The following ZNF473 variants were observed in gnomAD, a reference collection of about 807,000 sequenced individuals.
The protein encoded by ZNF473 is zinc finger protein 100 homolog.
ZNF473 carries 4 observed loss-of-function variants against 11.1 expected under a neutral mutation model. The ratio of observed to expected loss-of-function variants is 0.36; its 90% CI spans 0.18 to 0.82. ZNF473 has a LOEUF of 0.82. Among genes scored for constraint, ZNF473 ranks in the 40% least tolerant of loss-of-function variants. The probability of loss-of-function intolerance (pLI) is 0.49; values close to 1 mark genes in which losing one functional copy is unlikely to be tolerated. For synonymous variants in ZNF473, 404 were observed against 390.4 expected (o/e 1.03, Z -0.41); for missense variants, 854 against 1,084.0 (o/e 0.79, Z 2.98).
intron 2 of ZNF473, among the ~76,000 whole-genome samples, chr19:50,036,933 T>C (rs1229206416): frequency 1.3e-5 from 2 of 152,336 alleles, no homozygotes; most frequent in African/African-American, 4.8e-5. Context: ...ACTAATACAC[T>C]GTGTAACTTG....
chr19:50,033,038 A>G (rs1274752854), intron 2 of ZNF473, among the ~76,000 whole-genome samples: 1 of 152,168 alleles, frequency 6.6e-6, no homozygotes, highest in Admixed American at 6.6e-5. Context: ...AATAAGGGCA[A>G]ATTCTGAGGT....
intron 2 of ZNF473, among the ~76,000 whole-genome samples, chr19:50,036,648 T>G (rs763576360): frequency 9.9e-5 from 15 of 152,018 alleles, no homozygotes; most frequent in Non-Finnish European, 1.5e-4. Context: ...AAGAGATGAT[T>G]AGGTCATGAA....
intron 2 of ZNF473, among the ~76,000 whole-genome samples, chr19:50,037,872 T>A (rs1978542109): frequency 6.6e-6 from 1 of 151,922 alleles, no homozygotes; most frequent in South Asian, 2.1e-4. Context: ...ATTACCAGAT[T>A]TATAAATTAC....
chr19:50,035,968 T>C (rs940283186), intron 2 of ZNF473, among the ~76,000 whole-genome samples: 2 of 146,096 alleles, frequency 1.4e-5, no homozygotes, highest in Non-Finnish European at 3.0e-5. Context: ...CCTTTGAAAC[T>C]CTTTTTTTTT....
chr19:50,046,725 A>G lies in ZNF473; in HGVS notation c.2282A>G (p.Gln761Arg). 3 of 1,614,218 alleles carry G rather than the reference A, an allele frequency of 1.9e-6. No homozygotes were observed. Among genetic ancestry groups the G allele is most frequent in the Non-Finnish European group, 2.5e-6 (3 of 1,180,008 alleles). The change falls in exon 5 of 5, where the codon CAG becomes CGG. Residue 761 changes from glutamine (Q) to arginine (R), a missense_variant. Gln to Arg is a conservative substitution (Grantham distance 43). This residue lies in a region of ZNF473 where 186 missense variants were observed against 293.8 expected (regional missense o/e 0.63). Coordinates refer to ENST00000270617, the MANE Select transcript of ZNF473 (RefSeq NM_015428.4). The surrounding 1 kb of genome is among the most constrained non-coding windows in gnomAD (Gnocchi z 5.9). ...IHTGEKPYVC[Q>R]ECGKAFTQSS... ...ACTGGAGAAAAGCCTTATGTTTGTC[A>G]GGAATGCGGGAAAGCCTTCACCCAG... is the stretch of plus-strand genomic sequence containing the variant.
In ZNF473 at chr19:50,046,165, C is replaced by G; in HGVS notation, c.1722C>G (p.Ser574Arg). ...AATGTGAGAAAACCTTTAGCTGCAG[C>G]AAATACCTAACTCAGCACGAGAGGA... Reference protein sequence around the residue: ...CNKCEKTFSCSKYLTQHERIH... With the variant: ...CNKCEKTFSCRKYLTQHERIH... Residue 574 changes from serine (S) to arginine (R), a missense_variant, in exon 5 of 5, where the codon AGC (serine) becomes AGG (arginine). This residue lies in a region of ZNF473 where 668 missense variants were observed against 790.2 expected (regional missense o/e 0.85). Coordinates refer to ENST00000270617, the MANE Select transcript of ZNF473 (RefSeq NM_015428.4). This position sits in a 1 kb window ranked among gnomAD's most constrained non-coding sequence, Gnocchi z 5.9. 6.2e-7 allele frequency: 1 copy of G among 1,614,138 alleles called. No individual in the cohort carries two copies. Among genetic ancestry groups the G allele is most frequent in the Non-Finnish European group, 8.5e-7 (1 of 1,180,028 alleles).
chr19:50,035,677 C>T (rs1219036406), intron 2 of ZNF473, among the ~76,000 whole-genome samples: 3 of 152,140 alleles, frequency 2.0e-5, no homozygotes, highest in Non-Finnish European at 4.4e-5. Context: ...ACTTATTTAG[C>T]AGCTTCTTAG....
rs948860884 is a variant in ZNF473 at position 50,047,288 on chromosome 19, C to T, written c.*229C>T. The T allele has an allele frequency of 8.4e-5, 41 of 488,914 alleles. No individual in the cohort carries two copies. Among genetic ancestry groups the T allele is most frequent in the Non-Finnish European group, 1.4e-4 (38 of 272,074 alleles). The allele number at this position is 488,914 out of a possible 1,614,324, so 30.3% of individuals were successfully genotyped here. On this transcript the variant is annotated 3_prime_UTR_variant, in exon 5 of 5. Coordinates refer to ENST00000270617, the MANE Select transcript of ZNF473 (RefSeq NM_015428.4). The stretch of plus-strand genomic sequence containing the variant: ...CCAGTCTACCTTGAGTTAAATCCCA[C>T]CTCTGCCATCTACTACCTAAGTGAC...
At chr19:50,041,493 AG>A in intron 3 of ZNF473, 1 of 331,064 alleles carries the variant, frequency 3.0e-6, no homozygotes, top group South Asian at 7.6e-5. Flanking sequence ...CCCCAGCCCC[AG>A]CTGTCACAGC....
At chr19:50,030,741 T>C (rs1251322482) in intron 1 of ZNF473, among the ~76,000 whole-genome samples, 151 bp from the exon 2 acceptor site, 1 of 152,226 alleles carries the variant, frequency 6.6e-6, no homozygotes, top group African/African-American at 2.4e-5. Context: ...CCATAGACTT[T>C]CATCACCAAA....
At chr19:50,041,546 C>G (rs934889663) in intron 3 of ZNF473, 184 bp from the exon 4 acceptor site, 7 of 434,362 alleles carry the variant, frequency 1.6e-5, no homozygotes, top group Non-Finnish European at 2.5e-5. Context: ...CCCTCTCCAT[C>G]ACTGGACTGG....
intron 1 of ZNF473, among the ~76,000 whole-genome samples, chr19:50,027,666 G>T (rs2077293663): frequency 6.6e-6 from 1 of 152,062 alleles, no homozygotes. Context: ...GAGGCTGCGG[G>T]GCCTTGGGGA....
chr19:50,037,823 G>A (rs192356382), intron 2 of ZNF473, among the ~76,000 whole-genome samples: 39 of 146,280 alleles, frequency 2.7e-4, no homozygotes, highest in African/African-American at 4.9e-4. Flanking sequence ...TCTCTCGCTC[G>A]CTCTCTCTCT....
At chr19:50,029,566 G>C (rs2077306225) in intron 1 of ZNF473, among the ~76,000 whole-genome samples, 1 of 152,236 alleles carries the variant, frequency 6.6e-6, no homozygotes, top group Admixed American at 6.5e-5. Flanking sequence ...CTGTGTCATT[G>C]TTAAGTGATC....
chr19:50,030,424 C>T (rs961989576), intron 1 of ZNF473, among the ~76,000 whole-genome samples: 3 of 152,134 alleles, frequency 2.0e-5, no homozygotes, highest in African/African-American at 7.2e-5. Context: ...TGGAGGATTG[C>T]TTAAGCCCAG....
At chr19:50,040,808 C>T (rs953909364) in intron 3 of ZNF473, among the ~76,000 whole-genome samples, 3 of 152,254 alleles carry the variant, frequency 2.0e-5, no homozygotes, top group Admixed American at 2.0e-4. Context: ...GATAGAATCT[C>T]ATCACATTGG....
chr19:50,031,538 ACAGCCTTTAAGACC>A (rs2077317957), intron 2 of ZNF473, among the ~76,000 whole-genome samples: 1 of 152,108 alleles, frequency 6.6e-6, no homozygotes, highest in Admixed American at 6.5e-5. Context: ...AGTGTCTCAC[ACAGCCTTTAAGACC>A]CGGCTCAGTT....
At position 50,044,953 on chromosome 19, in the gene ZNF473, G is replaced by A. The variant is rs774678930; in HGVS notation, c.510G>A (p.Val170=). Reference sequence around the variant, plus strand: ...TTTCCACGGGAGAAGATTCCATGGTGCATAATGTTTCTGAAAAGACCCTCA... The same window carrying A: ...TTTCCACGGGAGAAGATTCCATGGTACATAATGTTTCTGAAAAGACCCTCA... ...STVSTGEDSM[V]HNVSEKTLTP... Residue 170 remains valine (V), a synonymous_variant, in exon 5 of 5, where the codon GTG becomes GTA. Coordinates refer to ENST00000270617, the MANE Select transcript of ZNF473 (RefSeq NM_015428.4). 10 of 1,614,110 alleles carry A rather than the reference G, an allele frequency of 6.2e-6. No individual in the cohort carries two copies. The highest frequency in any genetic ancestry group is 1.7e-5 in the Admixed American group (1 of 60,010).
Position 50,039,278 on chromosome 19 carries a change from T to G in ZNF473, c.127T>G (p.Phe43Val). The change falls in exon 3 of 5, where the codon TTC (phenylalanine) becomes GTC (valine). Residue 43 changes from phenylalanine to valine, a missense_variant. Physicochemically the swap from Phe to Val is conservative, Grantham distance 50. Transcript: ENST00000270617. The surrounding 1 kb of genome is among the most constrained non-coding windows in gnomAD (Gnocchi z 4.8). ...DTALDNCQDL[F>V]LLDPPRPNLT... ...AGCGTTGGACAATTGCCAGGACCTCTTCCTGCTGGGTGAGTGTTGCCTGTC... is the reference window on the plus strand; with the variant it reads ...AGCGTTGGACAATTGCCAGGACCTCGTCCTGCTGGGTGAGTGTTGCCTGTC... The G allele has an allele frequency of 6.2e-7, 1 of 1,614,028 alleles. No homozygotes were observed. The highest frequency in any genetic ancestry group is 8.5e-7 in the Non-Finnish European group (1 of 1,179,916).
Sources: allele counts gnomAD v4.1 joint callset (sites outside exome capture counted in the v4.1 genomes callset), GRCh38; gene constraint gnomAD v4.1.1; regional missense constraint gnomAD v4.1.1; non-coding constraint Gnocchi (gnomAD v3.1); transcripts MANE v1.5; gene names NCBI Gene and HGNC (gene_info 2026-07-23, HGNC 2026-07-21).